The following WRN variants were observed in gnomAD, a reference collection of about 807,000 sequenced individuals.
WRN encodes the protein bifunctional 3'-5' exonuclease/ATP-dependent helicase WRN.
In WRN, 149 loss-of-function variants were observed where a neutral mutation model predicts 180.7. The ratio of observed to expected loss-of-function variants is 0.82; its 90% CI spans 0.72 to 0.94. The LOEUF (loss-of-function observed/expected upper bound fraction) is 0.94. WRN is among the 40% of genes least tolerant of loss of function. WRN has a pLI of 0.00. For missense variants in WRN, 1,661 were observed against 1,700.1 expected (o/e 0.98, Z 0.40); for synonymous variants, 548 against 568.9 (o/e 0.96, Z 0.52).
rs181800660 is a variant in WRN, at chr8:31,068,175, C to T, written c.655-83C>T. The T allele has an allele frequency of 1.7e-5, 17 of 1,030,072 alleles. No individual in the cohort carries two copies. The East Asian group carries it at 3.7e-4, about 22-fold the overall frequency. 63.8% of individuals were successfully genotyped at this position (1,030,072 alleles called of 1,614,324 possible). A position where few individuals can be genotyped will look rare whatever the true frequency, so the allele number is the denominator to read the frequency against. On this transcript the variant is annotated intron_variant, in intron 6 of 34. Transcript: ENST00000298139. ...GTTTGGGTGCTTTGTGAATCATTCT[C>T]TTCGATTTTTCTGAAGATGGGACTT...
intron 28 of WRN, among the ~76,000 whole-genome samples, chr8:31,144,066 G>A (rs1016470270): frequency 3.3e-5 from 5 of 152,214 alleles, no homozygotes; most frequent in Non-Finnish European, 4.4e-5. Context: ...AATATATACA[G>A]GCATACTTTG....
intron 21 of WRN, among the ~76,000 whole-genome samples, chr8:31,121,713 AAAG>A (rs3057597): frequency 0.34 from 52,242 of 151,594 alleles, 9,203 homozygotes; most frequent in South Asian, 0.42. Flanking sequence ...TTCAAATCTG[AAAG>A]AAGAATAGGA....
chr8:31,099,569 G>GTT (rs555227491), intron 17 of WRN, among the ~76,000 whole-genome samples: 15 of 137,258 alleles, frequency 1.1e-4, no homozygotes, highest in African/African-American at 3.5e-4. Context: ...TTGTTTGTTT[G>GTT]TTTTTTTTTT....
rs1554530875 is a variant in WRN, at chr8:31,132,386, G to A, written c.2847G>A (p.Met949Ile). The change falls in exon 24 of 35, where the codon ATG becomes ATA. Residue 949 changes from methionine to isoleucine, a missense_variant. Around this residue, in one of 3 missense-constraint regions of WRN, gnomAD observed 1,141 missense variants for 1,149.4 expected, o/e 0.99. Coordinates refer to ENST00000298139, the MANE Select transcript of WRN (RefSeq NM_000553.6). ...CRSRLDHCYSMDDSEDTSWDF... is the reference protein window; with the variant it reads ...CRSRLDHCYSIDDSEDTSWDF... ...TTAGATTGGATCATTGCTATTCCAT[G>A]GATGACTCAGAGGATACATCCTGGG... 5 of 1,613,988 alleles carry A rather than the reference G, an allele frequency of 3.1e-6. No individual in the cohort carries two copies. The highest frequency in any genetic ancestry group is 4.2e-6 in the Non-Finnish European group (5 of 1,179,996).
chr8:31,128,205 G>A (rs1802001773), intron 23 of WRN, among the ~76,000 whole-genome samples: 1 of 152,066 alleles, frequency 6.6e-6, no homozygotes, highest in Non-Finnish European at 1.5e-5. Context: ...TAAGTTATTG[G>A]TAGGGTAAAC....
chr8:31,089,085 A>G, intron 13 of WRN, 120 bp downstream of exon 13: 1 of 788,452 alleles, frequency 1.3e-6, no homozygotes, highest in Non-Finnish European at 2.1e-6. Flanking sequence ...TATACATGCC[A>G]CACTGTATTT....
At chr8:31,115,386 A>G (rs1801480732) in intron 19 of WRN, among the ~76,000 whole-genome samples, 1 of 152,218 alleles carries the variant, frequency 6.6e-6, no homozygotes, top group African/African-American at 2.4e-5. Context: ...GGCTTTTGCC[A>G]CAGTCCTTAA....
intron 13 of WRN, among the ~76,000 whole-genome samples, chr8:31,089,899 C>T (rs1321607732): frequency 6.6e-6 from 1 of 151,914 alleles, no homozygotes; most frequent in Non-Finnish European, 1.5e-5. Flanking sequence ...TAAAATGCAT[C>T]TCAGGGTCAA....
intron 24 of WRN, among the ~76,000 whole-genome samples, chr8:31,132,847 G>A (rs1332295934): frequency 5.3e-5 from 8 of 152,156 alleles, no homozygotes; most frequent in African/African-American, 1.9e-4. Context: ...CAAGGGACAG[G>A]TAGAACAAAA....
At position 31,157,356 on chromosome 8, in the gene WRN, A is replaced by G. The variant is rs374684032; in HGVS notation, c.3820-12A>G. On this transcript the variant is annotated splice_polypyrimidine_tract_variant and intron_variant, in intron 32 of 34. Coordinates refer to ENST00000298139, the MANE Select transcript of WRN (RefSeq NM_000553.6). ...TTACAACTCACTGGGTTCTTTGCTG[A>G]TCTTTCTCTAGAAGAGCATAGCTGA... 294 of 1,613,462 alleles carry G rather than the reference A, an allele frequency of 1.8e-4. 2 individuals are homozygous for G. The highest frequency in any genetic ancestry group is 1.3e-4 in the South Asian group (12 of 91,084).
intron 18 of WRN, 148 bp from the exon 19 acceptor site, chr8:31,111,467 T>C (rs1801312089): frequency 2.4e-6 from 2 of 847,152 alleles, no homozygotes; most frequent in Non-Finnish European, 3.7e-6. Flanking sequence ...AGTAGGGAGA[T>C]TTTTTCTTTG....
chr8:31,135,749 G>T (rs551392637), intron 24 of WRN, among the ~76,000 whole-genome samples: 8 of 152,300 alleles, frequency 5.3e-5, no homozygotes, highest in African/African-American at 1.9e-4. Context: ...AGTACAAAAA[G>T]CAACTGTGAC....
At chr8:31,101,767 A>T (rs1361675216) in intron 18 of WRN, among the ~76,000 whole-genome samples, 1 of 147,856 alleles carries the variant, frequency 6.8e-6, no homozygotes, top group Non-Finnish European at 1.5e-5. Flanking sequence ...AGCCTGGGCA[A>T]CAAGAGCGAA....
intron 5 of WRN, 60 bp downstream of exon 5, chr8:31,065,123 A>G (rs1233907996): frequency 1.3e-6 from 2 of 1,538,332 alleles, no homozygotes; most frequent in East Asian, 4.6e-5. Context: ...CACAGAATGT[A>G]CTTTCTATCT....
Position 31,174,890 on chromosome 8 carries a change from CTCTCTCTCTT to C in WRN, c.*1792_*1801del, listed in dbSNP as rs1300295532. The stretch of plus-strand genomic sequence containing the variant: ...TCTCTTTCTTTCTTTCTTTCTCTCT[CTCTCTCTCTT>C]TCTTTCTTTTTCTTTCTCTTTTTCT... On this transcript the variant is annotated 3_prime_UTR_variant, in exon 35 of 35. Coordinates refer to ENST00000298139, the MANE Select transcript of WRN (RefSeq NM_000553.6). Among the ~76,000 whole-genome samples the C allele has an allele frequency of 7.2e-6, 1 of 139,624 alleles. No individual in the cohort carries two copies. The highest frequency in any genetic ancestry group is 2.6e-5 in the African/African-American group (1 of 38,036). The allele number at this position is 139,624 out of a possible 152,430, so 91.6% of individuals were successfully genotyped here. A position where few individuals can be genotyped will look rare whatever the true frequency, so the allele number is the denominator to read the frequency against.
intron 1 of WRN, among the ~76,000 whole-genome samples, chr8:31,037,271 A>G (rs1163751932): frequency 6.6e-6 from 1 of 152,230 alleles, no homozygotes; most frequent in Admixed American, 6.5e-5. Flanking sequence ...TTGCGCTGCT[A>G]TGAGAATCTA....
intron 24 of WRN, among the ~76,000 whole-genome samples, chr8:31,135,017 G>GC (rs1193104057): frequency 2.7e-5 from 4 of 149,838 alleles, no homozygotes; most frequent in East Asian, 3.9e-4. Context: ...CCTCCCCCAA[G>GC]CCCCCCCACC....
At chr8:31,130,017 A>AC (rs1369271807) in intron 23 of WRN, among the ~76,000 whole-genome samples, 1 of 139,720 alleles carries the variant, frequency 7.2e-6, no homozygotes, top group African/African-American at 3.0e-5. Context: ...AAAAAAAACA[A>AC]AACAAAACAA....
intron 28 of WRN, among the ~76,000 whole-genome samples, chr8:31,144,327 GTC>G (rs1802776967): frequency 8.2e-6 from 1 of 121,324 alleles, no homozygotes; most frequent in African/African-American, 3.1e-5. Flanking sequence ...CTCTATAATA[GTC>G]TCTAAGTGTG....
Sources: gnomAD v4.1 joint callset for allele counts (sites outside exome capture counted in the v4.1 genomes callset) on GRCh38, gnomAD v4.1.1 for gene constraint, gnomAD v4.1.1 regional missense constraint, MANE v1.5 for transcripts, NCBI Gene and HGNC (gene_info 2026-07-23, HGNC 2026-07-21) for gene names.